Variants in FOXP1 observed in about 807,000 individuals in gnomAD.
FOXP1 encodes the protein forkhead box P1.
FOXP1 carries 15 observed loss-of-function variants against 98.2 expected under a neutral mutation model. The ratio of observed to expected loss-of-function variants is 0.15; its 90% CI spans 0.10 to 0.24. The LOEUF is 0.24. Among genes scored for constraint, FOXP1 ranks in the 10% least tolerant of loss-of-function variants. FOXP1 has a pLI of 1.00. For synonymous variants in FOXP1, 371 were observed against 314.5 expected (o/e 1.18, Z -1.90); for missense variants, 633 against 848.5 (o/e 0.75, Z 3.15).
intron 3 of FOXP1, among the ~76,000 whole-genome samples, chr3:71,486,173 G>A (rs1313331643): frequency 1.3e-5 from 2 of 152,166 alleles, no homozygotes; most frequent in African/African-American, 4.8e-5. Flanking sequence ...GGTGACTTAT[G>A]CACTAACCTT....
chr3:71,580,939 C>A, intron 2 of FOXP1: 1 of 985,398 alleles, frequency 1.0e-6, no homozygotes, highest in Non-Finnish European at 1.2e-6. Context: ...TTGGAAAATA[C>A]CTGTGAGCAG....
At chr3:71,194,653 T>C (rs2063194995) in intron 6 of FOXP1, among the ~76,000 whole-genome samples, 2 of 152,066 alleles carry the variant, frequency 1.3e-5, no homozygotes, top group African/African-American at 4.8e-5. Context: ...AATGGAGCAG[T>C]GCACATCCAA....
intron 2 of FOXP1, among the ~76,000 whole-genome samples, chr3:71,509,493 T>G (rs537821130): frequency 6.6e-6 from 1 of 152,220 alleles, no homozygotes; most frequent in African/African-American, 2.4e-5. Context: ...AGTCCCTATC[T>G]CCAAATACAG....
intron 3 of FOXP1, among the ~76,000 whole-genome samples, chr3:71,379,341 C>T (rs2079967930): frequency 6.6e-6 from 1 of 152,180 alleles, no homozygotes; most frequent in African/African-American, 2.4e-5. Context: ...GTTCTCTTTT[C>T]AATTCCACTT....
At chr3:71,559,322 G>C (rs966397823) in intron 2 of FOXP1, among the ~76,000 whole-genome samples, 2 of 152,208 alleles carry the variant, frequency 1.3e-5, no homozygotes, top group African/African-American at 4.8e-5. Flanking sequence ...AATGAAAACT[G>C]ATAGAATGGA....
chr3:71,217,554 G>A (rs552211985), intron 5 of FOXP1, among the ~76,000 whole-genome samples: 1 of 152,172 alleles, frequency 6.6e-6, no homozygotes, highest in South Asian at 2.1e-4. Context: ...CAAGACTTAG[G>A]TGATGCCCAG....
At chr3:71,011,516 A>G (rs1381171682) in intron 12 of FOXP1, among the ~76,000 whole-genome samples, 2 of 152,312 alleles carry the variant, frequency 1.3e-5, no homozygotes, top group African/African-American at 2.4e-5. Context: ...CAATACTCCA[A>G]CAGCCTTGGT....
intron 5 of FOXP1, among the ~76,000 whole-genome samples, chr3:71,293,272 C>T (rs1950131): frequency 3.6e-4 from 55 of 151,926 alleles, no homozygotes; most frequent in Admixed American, 2.2e-3. Context: ...AATATTTGTG[C>T]CTTTGGCAGA....
chr3:71,323,453 C>A (rs2075510987), intron 4 of FOXP1, among the ~76,000 whole-genome samples: 1 of 151,842 alleles, frequency 6.6e-6, no homozygotes, highest in African/African-American at 2.4e-5. Context: ...TCAATGAGAC[C>A]TACAAAACCA....
intron 11 of FOXP1, among the ~76,000 whole-genome samples, chr3:71,039,497 G>A (rs1379940790): frequency 2.0e-5 from 3 of 152,028 alleles, no homozygotes; most frequent in East Asian, 1.9e-4. Flanking sequence ...TGAGCACAGC[G>A]CATCTAAACA....
At position 71,182,577 on chromosome 3, in the gene FOXP1, G is replaced by T. The variant is rs190306892; in HGVS notation, c.180+15625C>A. ...TTTTTTTTTTTTTTAGTAGAGACAGGGTCTTGCTGTCACCAGTCATGGCTC... is the reference window on the plus strand; with the variant it reads ...TTTTTTTTTTTTTTAGTAGAGACAGTGTCTTGCTGTCACCAGTCATGGCTC... On this transcript the variant is annotated intron_variant, in intron 6 of 20. Transcript: ENST00000649528. Among the ~76,000 whole-genome samples, 305 of 147,976 alleles carry T rather than the reference G, an allele frequency of 2.1e-3. 4 individuals are homozygous for T. The highest frequency in any genetic ancestry group is 0.015 in the East Asian group (77 of 5,068).
intron 4 of FOXP1, among the ~76,000 whole-genome samples, chr3:71,303,892 A>T (rs1185232407): frequency 2.6e-5 from 4 of 152,154 alleles, no homozygotes; most frequent in African/African-American, 9.7e-5. Context: ...GGAAGGAAGA[A>T]GCTGCTGTGC....
intron 5 of FOXP1, among the ~76,000 whole-genome samples, chr3:71,275,782 G>T (rs940408024): frequency 3.3e-5 from 5 of 152,130 alleles, no homozygotes; most frequent in Non-Finnish European, 7.3e-5. Flanking sequence ...TCACATGCCC[G>T]TGTCCCTGGA....
chr3:70,964,505 CTGAG>C (rs1293000716), intron 20 of FOXP1, among the ~76,000 whole-genome samples: 1 of 152,200 alleles, frequency 6.6e-6, no homozygotes, highest in Non-Finnish European at 1.5e-5. Flanking sequence ...CATTTTTGTT[CTGAG>C]TATTTCTTGC....
intron 4 of FOXP1, among the ~76,000 whole-genome samples, chr3:71,345,641 T>C (rs1393785418): frequency 6.6e-6 from 1 of 151,824 alleles, no homozygotes; most frequent in African/African-American, 2.4e-5. Flanking sequence ...GAAAACAAAA[T>C]AAGAAGAGCC....
intron 7 of FOXP1, among the ~76,000 whole-genome samples, chr3:71,092,632 A>G (rs2055999273): frequency 6.6e-6 from 1 of 152,112 alleles, no homozygotes; most frequent in Non-Finnish European, 1.5e-5. Flanking sequence ...AGAAGTTCTT[A>G]TTTCCATCTT....
At chr3:71,257,653 A>C (rs907400208) in intron 5 of FOXP1, among the ~76,000 whole-genome samples, 1 of 151,892 alleles carries the variant, frequency 6.6e-6, no homozygotes, top group Non-Finnish European at 1.5e-5. Flanking sequence ...AATTTCCAGG[A>C]TGCAGAAAGA....
intron 6 of FOXP1, among the ~76,000 whole-genome samples, chr3:71,136,866 A>C (rs1465649631): frequency 6.6e-6 from 1 of 152,142 alleles, no homozygotes; most frequent in Non-Finnish European, 1.5e-5. Flanking sequence ...GTACATGGCT[A>C]TCTAGACATG....
chr3:71,111,542 C>T (rs911069870), intron 7 of FOXP1, among the ~76,000 whole-genome samples: 4 of 152,116 alleles, frequency 2.6e-5, no homozygotes, highest in Non-Finnish European at 5.9e-5. Flanking sequence ...GGATTACAGG[C>T]ACCCGCCACC....
Sources: allele counts gnomAD v4.1 joint callset (sites outside exome capture counted in the v4.1 genomes callset), GRCh38; gene constraint gnomAD v4.1.1; transcripts MANE v1.5; gene names NCBI Gene and HGNC (gene_info 2026-07-23, HGNC 2026-07-21).